The following ZNF385D variants were observed in gnomAD, a reference collection of about 807,000 sequenced individuals.
The protein encoded by ZNF385D is zinc finger protein 659.
ZNF385D carries 15 observed loss-of-function variants against 35.8 expected under a neutral mutation model. The observed-to-expected ratio is 0.42, with a 90% confidence interval of 0.28 to 0.64. ZNF385D has a LOEUF of 0.64. ZNF385D is among the 30% of genes least tolerant of loss of function. The pLI, the probability that ZNF385D is intolerant of heterozygous loss-of-function variation, is 0.23. For synonymous variants in ZNF385D, 212 were observed against 186.8 expected (o/e 1.13, Z -1.10); for missense variants, 474 against 494.6 (o/e 0.96, Z 0.39).
At chr3:22,133,721 G>A (rs1215550573) in intron 3 of ZNF385D, 2 of 151,792 alleles carry the variant, frequency 1.3e-5, no homozygotes, top group African/African-American at 2.4e-5. Flanking sequence ...CAGAAAAGAA[G>A]TAAGACTACA....
At chr3:21,437,660 T>A (rs1380547952) in intron 4 of ZNF385D, among the ~76,000 whole-genome samples, 1 of 104,872 alleles carries the variant, frequency 9.5e-6, no homozygotes, top group Non-Finnish European at 1.8e-5. Flanking sequence ...TTTCTTTTTT[T>A]AATTAAAAAA....
intron 1 of ZNF385D, among the ~76,000 whole-genome samples, chr3:21,713,052 C>T (rs1017177446): frequency 2.3e-4 from 35 of 152,212 alleles, no homozygotes; most frequent in Non-Finnish European, 7.3e-5. Flanking sequence ...ACTATGCCAA[C>T]TTGGCCATCC....
rs1202670113 is a variant in ZNF385D at position 21,636,403 on chromosome 3, TATATATATATA to T, written c.165+28472_165+28482del. On this transcript the variant is annotated intron_variant, in intron 2 of 7. Transcript: ENST00000281523. ...TTATATATATATATATATATATATA[TATATATATATA>T]GAGTTTCTTAAGGAGTATTAACTCA... Among the ~76,000 whole-genome samples the T allele has an allele frequency of 2.0e-3, 88 of 43,234 alleles. 1 individual carries two copies. Among genetic ancestry groups the T allele is most frequent in the Middle Eastern group, 9.8e-3 (1 of 102 alleles). 28.4% of individuals were successfully genotyped at this position (43,234 alleles called of 152,430 possible).
intron 4 of ZNF385D, among the ~76,000 whole-genome samples, chr3:21,507,493 C>T (rs1464653199): frequency 6.6e-6 from 1 of 152,128 alleles, no homozygotes; most frequent in Non-Finnish European, 1.5e-5. Flanking sequence ...TTGTGCATTA[C>T]CAGAAATTTT....
intron 3 of ZNF385D, among the ~76,000 whole-genome samples, chr3:22,030,005 C>G (rs776815837): frequency 6.6e-6 from 1 of 151,456 alleles, no homozygotes; most frequent in Non-Finnish European, 1.5e-5. Flanking sequence ...CAGACCCACC[C>G]TTAATCTGGT....
chr3:22,118,632 A>G (rs756187674), intron 3 of ZNF385D, among the ~76,000 whole-genome samples: 1 of 152,014 alleles, frequency 6.6e-6, no homozygotes, highest in Non-Finnish European at 1.5e-5. Flanking sequence ...AGGTTAGGGA[A>G]ATTCATTCAT....
At chr3:22,069,942 A>C (rs1700148857) in intron 3 of ZNF385D, among the ~76,000 whole-genome samples, 1 of 152,190 alleles carries the variant, frequency 6.6e-6, no homozygotes, top group Non-Finnish European at 1.5e-5. Context: ...AGCTCTCAGC[A>C]GCACCTTCAG....
chr3:21,845,893 A>C (rs976826914), intron 3 of ZNF385D, among the ~76,000 whole-genome samples: 2 of 152,140 alleles, frequency 1.3e-5, no homozygotes, highest in African/African-American at 4.8e-5. Context: ...TCACACAAAA[A>C]AGAGGCTCCC....
At chr3:22,115,041 T>A (rs1471808123) in intron 3 of ZNF385D, among the ~76,000 whole-genome samples, 1 of 152,062 alleles carries the variant, frequency 6.6e-6, no homozygotes, top group Non-Finnish European at 1.5e-5. Context: ...TTAGCCAGTT[T>A]CAAGTATTTC....
At chr3:22,344,502 G>A (rs1474347690) in intron 2 of ZNF385D, among the ~76,000 whole-genome samples, 3 of 152,100 alleles carry the variant, frequency 2.0e-5, no homozygotes, top group Admixed American at 1.3e-4. Context: ...TGATTCTCCT[G>A]CCTCAGCCTC....
chr3:22,337,604 G>C (rs1368741969), intron 2 of ZNF385D, among the ~76,000 whole-genome samples: 1 of 152,090 alleles, frequency 6.6e-6, no homozygotes, highest in Non-Finnish European at 1.5e-5. Context: ...CACCGAAAAT[G>C]CCCAATTTGC....
intron 3 of ZNF385D, among the ~76,000 whole-genome samples, chr3:22,117,483 T>C (rs1370300659): frequency 3.3e-5 from 5 of 151,976 alleles, no homozygotes; most frequent in Non-Finnish European, 7.4e-5. Context: ...AGACAGGGAA[T>C]AGGCATCTTG....
Position 21,414,011 on chromosome 3 carries a change from T to C in ZNF385D, c.*7203A>G, listed in dbSNP as rs1042546641. Reference sequence around the variant, plus strand: ...TGAGAGCTGAATATTTCATCATACATTGGATAACACTAAATTTTCCCCGAC... The same window carrying C: ...TGAGAGCTGAATATTTCATCATACACTGGATAACACTAAATTTTCCCCGAC... On this transcript the variant is annotated 3_prime_UTR_variant, in exon 8 of 8. Coordinates refer to ENST00000281523, the MANE Select transcript of ZNF385D (RefSeq NM_024697.3). The C allele has an allele frequency of 1.3e-5, 2 of 152,102 alleles. No individual in the cohort carries two copies. The highest frequency in any genetic ancestry group is 2.9e-5 in the Non-Finnish European group (2 of 67,988). 9.4% of individuals were successfully genotyped at this position (152,102 alleles called of 1,614,324 possible).
intron 3 of ZNF385D, among the ~76,000 whole-genome samples, chr3:22,075,053 A>G (rs1700398831): frequency 6.6e-6 from 1 of 151,920 alleles, no homozygotes; most frequent in Non-Finnish European, 1.5e-5. Flanking sequence ...CTTGCAGAGT[A>G]ATTTTTTAAA....
At chr3:21,757,444 A>G (rs1190422482) in intron 3 of ZNF385D, among the ~76,000 whole-genome samples, 2 of 152,124 alleles carry the variant, frequency 1.3e-5, no homozygotes, top group Non-Finnish European at 2.9e-5. Context: ...CACCTGGCCT[A>G]AATTTATTAT....
intron 3 of ZNF385D, among the ~76,000 whole-genome samples, chr3:22,077,338 T>C (rs923915220): frequency 6.6e-6 from 1 of 151,950 alleles, no homozygotes; most frequent in African/African-American, 2.4e-5. Context: ...CAAAAGAGCA[T>C]CTTTTGGTGG....
At chr3:21,451,606 C>T (rs13325718) in intron 4 of ZNF385D, among the ~76,000 whole-genome samples, 9,125 of 152,090 alleles carry the variant, frequency 0.06, 288 homozygotes, top group African/African-American at 0.082. Flanking sequence ...TACAACAATG[C>T]ATTATCTCAA....
chr3:21,824,567 A>G (rs1267949708), intron 3 of ZNF385D, among the ~76,000 whole-genome samples: 1 of 152,142 alleles, frequency 6.6e-6, no homozygotes, highest in Non-Finnish European at 1.5e-5. Context: ...ATCATATATC[A>G]AAAACTTCAT....
Position 21,415,052 on chromosome 3 carries a change from A to G in ZNF385D, c.*6162T>C, listed in dbSNP as rs925213895. ...GGTTGACAAACGTCCAATAAAACCC[A>G]TATCATTATTTTGGTTAACAAAATT... is the stretch of plus-strand genomic sequence containing the variant. On this transcript the variant is annotated 3_prime_UTR_variant, in exon 8 of 8. Coordinates refer to ENST00000281523, the MANE Select transcript of ZNF385D (RefSeq NM_024697.3). 2.0e-5 allele frequency: 3 copies of G among 152,142 alleles called. No individual in the cohort carries two copies. The highest frequency in any genetic ancestry group is 7.2e-5 in the African/African-American group (3 of 41,436). 9.4% of individuals were successfully genotyped at this position (152,142 alleles called of 1,614,324 possible).
Sources: allele counts gnomAD v4.1 joint callset (sites outside exome capture counted in the v4.1 genomes callset), GRCh38; gene constraint gnomAD v4.1.1; transcripts MANE v1.5; gene names NCBI Gene and HGNC (gene_info 2026-07-23, HGNC 2026-07-21).